CALCR: variants seen among roughly 807,000 people sequenced by gnomAD.
CALCR encodes calcitonin receptor.
Under a neutral mutation model 59.5 loss-of-function variants are expected in CALCR, and 47 were observed. The ratio of observed to expected loss-of-function variants is 0.79; its 90% CI spans 0.63 to 1.01. The LOEUF is 1.01. CALCR is among the 50% of genes least tolerant of loss of function. The pLI, the probability that CALCR is intolerant of heterozygous loss-of-function variation, is 0.00. For missense variants in CALCR, 566 were observed against 597.1 expected, an observed-to-expected ratio of 0.95 and a Z score of 0.54; for synonymous variants, 213 against 211.3, an observed-to-expected ratio of 1.01 and a Z score of -0.07.
intron 4 of CALCR, among the ~76,000 whole-genome samples, chr7:93,478,358 G>A (rs1461329847): frequency 6.6e-6 from 1 of 151,842 alleles, no homozygotes; most frequent in Non-Finnish European, 1.5e-5. Flanking sequence ...TGCAGTAACA[G>A]AGTATATTTT....
chr7:93,425,896 G>C lies in CALCR; in HGVS notation c.*460C>G, dbSNP rs1799515332. On this transcript the variant is annotated 3_prime_UTR_variant, in exon 14 of 14. Transcript: ENST00000426151. ...ATGGTAAAACATCTCAGTAACATCA[G>C]AATTGACTGAAATTTAAAAAAATTA... The C allele has an allele frequency of 6.5e-6, 1 of 154,198 alleles. No individual in the cohort carries two copies. Among genetic ancestry groups the C allele is most frequent in the Non-Finnish European group, 1.4e-5 (1 of 69,438 alleles). The allele number at this position is 154,198 out of a possible 1,614,324, so 9.6% of individuals were successfully genotyped here. A position where few individuals can be genotyped will look rare whatever the true frequency, so the allele number is the denominator to read the frequency against.
At chr7:93,515,946 T>C (rs920104038) in intron 2 of CALCR, among the ~76,000 whole-genome samples, 55 of 151,800 alleles carry the variant, frequency 3.6e-4, no homozygotes, top group African/African-American at 1.3e-3. Context: ...TCTAAAAGAA[T>C]TCTTTCAATA....
intron 2 of CALCR, among the ~76,000 whole-genome samples, chr7:93,561,187 T>C (rs1433564282): frequency 1.3e-5 from 2 of 152,188 alleles, no homozygotes; most frequent in Non-Finnish European, 2.9e-5. Flanking sequence ...ATGCTGAATG[T>C]GTAAGCACTT....
intron 2 of CALCR, among the ~76,000 whole-genome samples, chr7:93,549,732 T>A (rs1317065971): frequency 1.3e-5 from 2 of 152,192 alleles, no homozygotes; most frequent in Non-Finnish European, 2.9e-5. Flanking sequence ...ATAAAGTTAA[T>A]GGAAAATGCA....
At chr7:93,455,067 C>A (rs1451578492) in intron 8 of CALCR, among the ~76,000 whole-genome samples, 1 of 151,884 alleles carries the variant, frequency 6.6e-6, no homozygotes, top group Non-Finnish European at 1.5e-5. Context: ...TTTAATATAT[C>A]CCCATGGGCA....
At chr7:93,461,941 C>A (rs754993331) in intron 7 of CALCR, 8 of 650,380 alleles carry the variant, frequency 1.2e-5, no homozygotes, top group Non-Finnish European at 1.9e-5. Context: ...TAAAACATGC[C>A]AATGACTCAT....
chr7:93,483,954 T>A (rs760001961), intron 3 of CALCR: 1 of 514,170 alleles, frequency 1.9e-6, no homozygotes, highest in Non-Finnish European at 4.1e-6. Flanking sequence ...TTAGCTGCCG[T>A]ATATGTGATG....
chr7:93,478,393 G>T (rs147548264), intron 4 of CALCR, among the ~76,000 whole-genome samples: 1 of 151,850 alleles, frequency 6.6e-6, no homozygotes, highest in Non-Finnish European at 1.5e-5. Context: ...TACCAAGTTG[G>T]GTTGTCTTAA....
At chr7:93,434,389 G>GTAA in intron 12 of CALCR, 95 bp from the exon 13 acceptor site, 1 of 511,148 alleles carries the variant, frequency 2.0e-6, no homozygotes. Context: ...AAGGCCTGAT[G>GTAA]AAAAAAAAAA....
chr7:93,478,039 T>C (rs1391857954), intron 4 of CALCR, among the ~76,000 whole-genome samples: 1 of 146,920 alleles, frequency 6.8e-6, no homozygotes, highest in Non-Finnish European at 1.5e-5. Flanking sequence ...AAGGTATGTA[T>C]TCAAAAGAAT....
At chr7:93,527,923 C>T (rs78542597) in intron 2 of CALCR, among the ~76,000 whole-genome samples, 5,042 of 152,154 alleles carry the variant, frequency 0.033, 293 homozygotes, top group African/African-American at 0.12. Flanking sequence ...CAGGGAAGAA[C>T]ACTTTTGTTA....
intron 2 of CALCR, among the ~76,000 whole-genome samples, chr7:93,519,021 T>C (rs1159673642): frequency 1.3e-5 from 2 of 151,992 alleles, no homozygotes; most frequent in Non-Finnish European, 2.9e-5. Context: ...AATTATGTAA[T>C]AAAAAGCTTA....
chr7:93,508,074 A>C (rs1801465332), intron 2 of CALCR, among the ~76,000 whole-genome samples: 1 of 152,270 alleles, frequency 6.6e-6, no homozygotes, highest in South Asian at 2.1e-4. Context: ...CCAATTTATG[A>C]TATTTCATAA....
chr7:93,538,809 C>T (rs1047490786), intron 2 of CALCR, among the ~76,000 whole-genome samples: 2 of 152,048 alleles, frequency 1.3e-5, no homozygotes, highest in East Asian at 3.9e-4. Flanking sequence ...AAATAATCTG[C>T]TCAGATGATT....
chr7:93,463,234 A>G (rs1800374786), intron 7 of CALCR, among the ~76,000 whole-genome samples: 1 of 151,804 alleles, frequency 6.6e-6, no homozygotes, highest in Non-Finnish European at 1.5e-5. Context: ...TACAGCATAT[A>G]TGCATATAAA....
intron 7 of CALCR, among the ~76,000 whole-genome samples, chr7:93,463,936 T>C (rs1263893727): frequency 6.6e-6 from 1 of 151,924 alleles, no homozygotes; most frequent in East Asian, 1.9e-4. Flanking sequence ...TACCATAAAT[T>C]CTCCAGTAGT....
chr7:93,569,149 C>T (rs1789941618), intron 2 of CALCR, among the ~76,000 whole-genome samples: 2 of 151,868 alleles, frequency 1.3e-5, no homozygotes, highest in South Asian at 2.1e-4. Context: ...AGTAAGGCTG[C>T]GTGTGTCCAG....
chr7:93,556,140 C>T (rs946296013), intron 2 of CALCR, among the ~76,000 whole-genome samples: 1 of 152,102 alleles, frequency 6.6e-6, no homozygotes, highest in African/African-American at 2.4e-5. Context: ...GAATTTTTTT[C>T]TCCAGGGTAA....
rs184874788 is a variant in CALCR, at chr7:93,555,843, A to C, written c.-27+18446T>G. On this transcript the variant is annotated intron_variant, in intron 2 of 13. Transcript: ENST00000426151. The stretch of plus-strand genomic sequence containing the variant: ...TAGACTTGGGCTGATCAGTGGACAG[A>C]TATTTATCGCATTTATGAATGAACA... 3.1e-3 allele frequency among the ~76,000 whole-genome samples: 473 copies of C among 152,282 alleles called. 4 individuals are homozygous for C. The highest frequency in any genetic ancestry group is 0.013 in the Admixed American group (200 of 15,274).
Sources: gnomAD v4.1 joint callset for allele counts (sites outside exome capture counted in the v4.1 genomes callset) on GRCh38, gnomAD v4.1.1 for gene constraint, MANE v1.5 for transcripts, NCBI Gene and HGNC (gene_info 2026-07-23, HGNC 2026-07-21) for gene names.